The following SCARA5 variants were observed in gnomAD, a reference collection of about 807,000 sequenced individuals.
The protein encoded by SCARA5 is scavenger receptor class A, member 5 (putative).
SCARA5 carries 45 observed loss-of-function variants against 46.3 expected under a neutral mutation model. The ratio of observed to expected loss-of-function variants is 0.97; its 90% CI spans 0.76 to 1.24. The LOEUF is 1.24. Among genes scored for constraint, SCARA5 ranks in the 50% most tolerant of loss-of-function variants. SCARA5 has a pLI of 0.00. For synonymous variants in SCARA5, 333 were observed against 306.5 expected (o/e 1.09, Z -0.90); for missense variants, 680 against 689.0 (o/e 0.99, Z 0.15).
intron 3 of SCARA5, among the ~76,000 whole-genome samples, chr8:27,948,358 G>A (rs932937714): frequency 1.3e-5 from 2 of 152,178 alleles, no homozygotes; most frequent in Non-Finnish European, 2.9e-5. Flanking sequence ...CCCTCTGGGA[G>A]GGAGGCAGGG....
chr8:27,872,304 C>CT (rs1267262156), intron 8 of SCARA5, among the ~76,000 whole-genome samples: 2 of 152,150 alleles, frequency 1.3e-5, no homozygotes. Context: ...CAAATATCAG[C>CT]TATGTGTCAG....
At chr8:27,964,228 C>G (rs989229190) in intron 3 of SCARA5, among the ~76,000 whole-genome samples, 2 of 152,162 alleles carry the variant, frequency 1.3e-5, no homozygotes, top group Admixed American at 1.3e-4. Context: ...CAAACCTCCC[C>G]CAGAGGCCAG....
At position 27,948,505 on chromosome 8, in the gene SCARA5, C is replaced by T. The variant is rs184577689; in HGVS notation, c.241+17909G>A. Among the ~76,000 whole-genome samples, 27 of 152,348 alleles carry T rather than the reference C, an allele frequency of 1.8e-4. No homozygotes were observed. In the East Asian group the frequency reaches 4.6e-3, roughly 26 times the overall value. On this transcript the variant is annotated intron_variant, in intron 3 of 8. Coordinates refer to ENST00000354914, the MANE Select transcript of SCARA5 (RefSeq NM_173833.6). ...AGGGCCTGGGGCTGGGCCGTTCCAC[C>T]GGCAGGTCAGGACCGCCAGGCCAGC...
chr8:27,938,715 A>T (rs988656131), intron 3 of SCARA5, among the ~76,000 whole-genome samples: 2 of 152,162 alleles, frequency 1.3e-5, no homozygotes, highest in Admixed American at 1.3e-4. Context: ...TATCTCCAGC[A>T]GTTTTTAATC....
At chr8:27,897,466 C>T (rs1807082764) in intron 7 of SCARA5, among the ~76,000 whole-genome samples, 1 of 152,254 alleles carries the variant, frequency 6.6e-6, no homozygotes, top group Non-Finnish European at 1.5e-5. Flanking sequence ...CATCAAAGAT[C>T]CCAGCGTCAT....
chr8:27,917,421 C>G (rs17058252), intron 4 of SCARA5, among the ~76,000 whole-genome samples: 19,069 of 152,062 alleles, frequency 0.13, 1,494 homozygotes, highest in East Asian at 0.4. Flanking sequence ...TGAGAGGGTA[C>G]ATTAGCAGGA....
rs147191007 is a variant in SCARA5 at position 27,909,234 on chromosome 8, C to G, written c.997+429G>C. 3.9e-5 allele frequency among the ~76,000 whole-genome samples: 6 copies of G among 152,230 alleles called. No individual in the cohort carries two copies. In the East Asian group the frequency reaches 1.2e-3, roughly 29 times the overall value. On this transcript the variant is annotated intron_variant, in intron 5 of 8. Coordinates refer to ENST00000354914, the MANE Select transcript of SCARA5 (RefSeq NM_173833.6). ...AGAGGAAGGGATAGGTATTCATGAC[C>G]CATTCGTAGACCTGGGCAGGGTCAG...
intron 3 of SCARA5, among the ~76,000 whole-genome samples, chr8:27,940,161 T>C (rs1475098240): frequency 2.6e-5 from 4 of 152,354 alleles, no homozygotes; most frequent in Middle Eastern, 3.4e-3. Flanking sequence ...CTCTCCCCAC[T>C]GGTGATTTTC....
chr8:27,874,887 C>T (rs1806697807), intron 8 of SCARA5, among the ~76,000 whole-genome samples: 1 of 152,096 alleles, frequency 6.6e-6, no homozygotes, highest in Admixed American at 6.5e-5. Flanking sequence ...CCAGTCATCA[C>T]CCTTCCACCT....
chr8:27,987,754 G>T, intron 1 of SCARA5, 124 bp from the exon 2 acceptor site: 1 of 630,482 alleles, frequency 1.6e-6, no homozygotes, highest in Non-Finnish European at 2.9e-6. Context: ...CCCTAAGCCT[G>T]AACACCGGGA....
At chr8:27,919,756 G>A (rs1807551558) in intron 4 of SCARA5, among the ~76,000 whole-genome samples, 1 of 151,810 alleles carries the variant, frequency 6.6e-6, no homozygotes, top group Non-Finnish European at 1.5e-5. Context: ...TGGCCCTGCG[G>A]CTGTGGGCAA....
At chr8:27,924,294 A>C (rs77585776) in intron 3 of SCARA5, among the ~76,000 whole-genome samples, 1 of 152,222 alleles carries the variant, frequency 6.6e-6, no homozygotes, top group Non-Finnish European at 1.5e-5. Flanking sequence ...TGTTCAAACA[A>C]TGAGAAAAAT....
intron 8 of SCARA5, among the ~76,000 whole-genome samples, chr8:27,878,630 A>G (rs529100821): frequency 1.2e-4 from 19 of 152,232 alleles, no homozygotes; most frequent in Non-Finnish European, 2.1e-4. Context: ...CTGGGGATTA[A>G]TCTGGAGAAG....
At chr8:27,955,221 T>C (rs527893072) in intron 3 of SCARA5, among the ~76,000 whole-genome samples, 42 of 152,284 alleles carry the variant, frequency 2.8e-4, no homozygotes, top group Non-Finnish European at 4.9e-4. Context: ...TTGGGACTCT[T>C]ACCAGACAGA....
intron 4 of SCARA5, among the ~76,000 whole-genome samples, chr8:27,919,086 TGGAGGAGGAGAAGGAAGAGGA>T (rs1563525689): frequency 5.1e-4 from 5 of 9,792 alleles, no homozygotes; most frequent in South Asian, 2.9e-3. Flanking sequence ...GAGAGAAGGG[TGGAGGAGGAGAAGGAAGAGGA>T]GGAGGAGGAG....
At chr8:27,878,401 C>T (rs930372785) in intron 8 of SCARA5, among the ~76,000 whole-genome samples, 1 of 152,142 alleles carries the variant, frequency 6.6e-6, no homozygotes, top group South Asian at 2.1e-4. Flanking sequence ...CATGTGGGAC[C>T]ATTGTTTTAG....
intron 4 of SCARA5, among the ~76,000 whole-genome samples, chr8:27,918,252 A>T (rs1807499047): frequency 6.6e-6 from 1 of 152,200 alleles, no homozygotes; most frequent in Non-Finnish European, 1.5e-5. Context: ...CCTGAGCCTC[A>T]GTTGTTTTCC....
chr8:27,947,996 G>A (rs1808065078), intron 3 of SCARA5, among the ~76,000 whole-genome samples: 1 of 152,182 alleles, frequency 6.6e-6, no homozygotes, highest in Admixed American at 6.5e-5. Flanking sequence ...AGGAGTTCAG[G>A]TCTAGTGGAT....
At chr8:27,956,380 G>A (rs892369298) in intron 3 of SCARA5, among the ~76,000 whole-genome samples, 2 of 152,136 alleles carry the variant, frequency 1.3e-5, no homozygotes, top group African/African-American at 2.4e-5. Context: ...GGGCAGCAAC[G>A]GACACCTATG....
Sources: gnomAD v4.1 joint callset for allele counts (sites outside exome capture counted in the v4.1 genomes callset) on GRCh38, gnomAD v4.1.1 for gene constraint, MANE v1.5 for transcripts, NCBI Gene and HGNC (gene_info 2026-07-23, HGNC 2026-07-21) for gene names.